The following EBF1 variants were observed in gnomAD, a reference collection of about 807,000 sequenced individuals.
EBF1 encodes the protein EBF transcription factor 1.
A neutral mutation model predicts 68.4 loss-of-function variants in EBF1; 10 were observed. The observed-to-expected ratio is 0.15, with a 90% CI of 0.09 to 0.25. EBF1 has a LOEUF of 0.25. Ranked by LOEUF, EBF1 falls within the 10% of genes least tolerant of loss-of-function variation. The pLI, the probability that EBF1 is intolerant of heterozygous loss-of-function variation, is 1.00. For synonymous variants in EBF1, 298 were observed against 299.8 expected (o/e 0.99, Z 0.06); for missense variants, 509 against 794.4 (o/e 0.64, Z 4.32).
intron 6 of EBF1, among the ~76,000 whole-genome samples, chr5:158,993,031 C>A (rs1387162602): frequency 7.1e-6 from 1 of 141,578 alleles, no homozygotes; most frequent in Non-Finnish European, 1.5e-5. Context: ...TGGGCTCAAG[C>A]GATTCTCCTG....
chr5:158,718,981 A>T (rs1332695084), intron 11 of EBF1, among the ~76,000 whole-genome samples: 1 of 152,218 alleles, frequency 6.6e-6, no homozygotes, highest in East Asian at 1.9e-4. Flanking sequence ...TTAGCAAACC[A>T]CAAGTCTTGA....
intron 6 of EBF1, among the ~76,000 whole-genome samples, chr5:159,010,733 A>G (rs1764485866): frequency 6.6e-6 from 1 of 152,232 alleles, no homozygotes; most frequent in Non-Finnish European, 1.5e-5. Context: ...CACAGGGAGT[A>G]GATCCAAAGG....
intron 8 of EBF1, among the ~76,000 whole-genome samples, chr5:158,797,635 A>C (rs989261208): frequency 7.2e-5 from 11 of 152,230 alleles, no homozygotes; most frequent in African/African-American, 2.7e-4. Context: ...AACTTTTGCA[A>C]GAAGGAAAGA....
chr5:158,706,048 C>T (rs1000989034), intron 15 of EBF1, among the ~76,000 whole-genome samples: 1 of 152,144 alleles, frequency 6.6e-6, no homozygotes, highest in Non-Finnish European at 1.5e-5. Flanking sequence ...CCTAGTTTGC[C>T]AGCTGGAGGT....
intron 6 of EBF1, among the ~76,000 whole-genome samples, chr5:158,846,951 G>A (rs1251300856): frequency 6.6e-6 from 1 of 152,184 alleles, no homozygotes; most frequent in Non-Finnish European, 1.5e-5. Flanking sequence ...CACAGATGAA[G>A]CAAATTCTCT....
At chr5:158,830,250 G>C (rs1164606322) in intron 7 of EBF1, among the ~76,000 whole-genome samples, 1 of 152,072 alleles carries the variant, frequency 6.6e-6, no homozygotes, top group Non-Finnish European at 1.5e-5. Context: ...TCACAGTGCA[G>C]TTCTCACCCA....
chr5:158,938,581 G>A (rs758771324), intron 6 of EBF1, among the ~76,000 whole-genome samples: 2 of 152,256 alleles, frequency 1.3e-5, no homozygotes, highest in Admixed American at 1.3e-4. Context: ...AGTCCAAGAT[G>A]AGGGTGCTGC....
At chr5:158,930,268 T>G (rs1268126406) in intron 6 of EBF1, among the ~76,000 whole-genome samples, 2 of 110,114 alleles carry the variant, frequency 1.8e-5, no homozygotes, top group African/African-American at 5.5e-5. Context: ...TTGTTTTTTT[T>G]TTTGTTTGTT....
At chr5:158,911,539 CT>C (rs1805975317) in intron 6 of EBF1, among the ~76,000 whole-genome samples, 1 of 151,920 alleles carries the variant, frequency 6.6e-6, no homozygotes, top group Admixed American at 6.6e-5. Context: ...ACCCATTTTT[CT>C]TTTCCATCTC....
intron 6 of EBF1, among the ~76,000 whole-genome samples, chr5:158,924,162 C>A (rs568873030): frequency 1.4e-3 from 220 of 152,322 alleles, no homozygotes; most frequent in African/African-American, 5.1e-3. Flanking sequence ...ATCAGCTCTG[C>A]CCCATGATGG....
chr5:159,095,524 A>T, intron 4 of EBF1, 96 bp downstream of exon 4: 1 of 1,440,046 alleles, frequency 6.9e-7, no homozygotes, highest in Non-Finnish European at 9.6e-7. Context: ...TTTTAGAGTT[A>T]GAGTCCCAGC....
At chr5:158,775,876 A>G (rs1320274465) in intron 10 of EBF1, among the ~76,000 whole-genome samples, 1 of 151,860 alleles carries the variant, frequency 6.6e-6, no homozygotes, top group Non-Finnish European at 1.5e-5. Flanking sequence ...AAGAAATCCT[A>G]GCTTTAAAAG....
chr5:158,844,273 C>A (rs975404347), intron 6 of EBF1, among the ~76,000 whole-genome samples: 2 of 145,480 alleles, frequency 1.4e-5, no homozygotes, highest in African/African-American at 5.1e-5. Flanking sequence ...CAAATAATAT[C>A]ATCTTGTGTT....
chr5:158,954,018 A>C (rs1816562319), intron 6 of EBF1, among the ~76,000 whole-genome samples: 2 of 152,350 alleles, frequency 1.3e-5, no homozygotes, highest in South Asian at 2.1e-4. Context: ...CAGATTTCAC[A>C]CAATGTTGTT....
intron 6 of EBF1, among the ~76,000 whole-genome samples, chr5:158,912,970 C>T (rs1806348950): frequency 2.0e-5 from 3 of 152,228 alleles, no homozygotes; most frequent in Non-Finnish European, 2.9e-5. Context: ...ACCTTCTATT[C>T]CTGGCATCAC....
At chr5:159,030,618 A>C (rs1768595483) in intron 6 of EBF1, among the ~76,000 whole-genome samples, 1 of 152,188 alleles carries the variant, frequency 6.6e-6, no homozygotes. Context: ...CAGAAGGAGC[A>C]AGGGGAGCAA....
chr5:159,089,929 T>A (rs1781334718), intron 4 of EBF1, among the ~76,000 whole-genome samples: 1 of 151,234 alleles, frequency 6.6e-6, no homozygotes, highest in South Asian at 2.1e-4. Context: ...AAAAGAAAGG[T>A]TATCAGTAAC....
chr5:159,000,111 T>C (rs1762243626), intron 6 of EBF1, among the ~76,000 whole-genome samples: 1 of 152,220 alleles, frequency 6.6e-6, no homozygotes. Context: ...GTGAAAATCA[T>C]GGCAATCATG....
rs949677660 is a variant in EBF1 at position 158,827,199 on chromosome 5, G to A, written c.637-3882C>T. ...AACAAGAAGTTCAAAAGAATGTGTC[G>A]GGTTGATAACCTGAAGTATCTTAAT... On this transcript the variant is annotated intron_variant, in intron 7 of 15. Coordinates refer to ENST00000313708, the MANE Select transcript of EBF1 (RefSeq NM_024007.5). Among the ~76,000 whole-genome samples the A allele has an allele frequency of 2.6e-5, 4 of 152,102 alleles. No homozygotes were observed. In the East Asian group the frequency reaches 7.7e-4, roughly 29 times the overall value.
Sources: gnomAD v4.1 joint callset for allele counts (sites outside exome capture counted in the v4.1 genomes callset) on GRCh38, gnomAD v4.1.1 for gene constraint, MANE v1.5 for transcripts, NCBI Gene and HGNC (gene_info 2026-07-23, HGNC 2026-07-21) for gene names.